Variants in MAP3K7CL observed in about 807,000 individuals in gnomAD.
The protein encoded by MAP3K7CL is MAP3K7 C-terminal-like protein.
A neutral mutation model predicts 18.6 loss-of-function variants in MAP3K7CL; 16 were observed. The observed-to-expected ratio is 0.86, with a 90% confidence interval of 0.58 to 1.31. The LOEUF is 1.31. Ranked by LOEUF, MAP3K7CL falls within the 50% of genes most tolerant of loss-of-function variation. MAP3K7CL has a pLI of 0.00. For synonymous variants in MAP3K7CL, 65 were observed against 66.8 expected, an observed-to-expected ratio of 0.97 and a Z score of 0.13; for missense variants, 163 against 174.4, an observed-to-expected ratio of 0.93 and a Z score of 0.37.
chr21:29,136,398 C>A (rs904066531), intron 2 of MAP3K7CL, among the ~76,000 whole-genome samples: 4 of 152,098 alleles, frequency 2.6e-5, no homozygotes, highest in Non-Finnish European at 5.9e-5. Context: ...AATGAGGGCA[C>A]TAATGTGGAC....
chr21:29,170,448 G>A (rs1271838149), intron 4 of MAP3K7CL, among the ~76,000 whole-genome samples: 2 of 152,090 alleles, frequency 1.3e-5, no homozygotes, highest in East Asian at 3.8e-4. Context: ...AGTTTTACAT[G>A]AGGTTAGATA....
chr21:29,124,913 T>C (rs558894651), intron 4 of MAP3K7CL, among the ~76,000 whole-genome samples: 1 of 152,322 alleles, frequency 6.6e-6, no homozygotes, highest in African/African-American at 2.4e-5. Flanking sequence ...ACAGAAAGTG[T>C]ATGGCCTGAA....
chr21:29,080,112 T>A (rs1181929113), intron 1 of MAP3K7CL, among the ~76,000 whole-genome samples: 1 of 152,214 alleles, frequency 6.6e-6, no homozygotes, highest in Non-Finnish European at 1.5e-5. Context: ...CTCTTGAGCC[T>A]TTATGAATCA....
At position 29,092,459 on chromosome 21, in the gene MAP3K7CL, C is replaced by T. The variant is rs958002246; in HGVS notation, c.248C>T (p.Ala83Val). Residue 83 changes from alanine (A) to valine (V), a missense_variant, in exon 4 of 7, where the codon GCA becomes GTA. By Grantham distance (64) the Ala-to-Val change is moderately conservative. Coordinates refer to the MAP3K7CL transcript ENST00000286791. Reference sequence around the variant, plus strand: ...TTTAGTATTTCAGTTTTATGCTCTGCAACAAGTTTGGCCATGTTGGAGGAC... The same window carrying T: ...TTTAGTATTTCAGTTTTATGCTCTGTAACAAGTTTGGCCATGTTGGAGGAC... 7 of 1,614,230 alleles carry T rather than the reference C, an allele frequency of 4.3e-6. No homozygotes were observed. In the East Asian group the frequency reaches 1.6e-4, roughly 36 times the overall value.
upstream of MAP3K7CL, among the ~76,000 whole-genome samples, chr21:29,083,844 G>A (rs987540718): frequency 2.0e-5 from 3 of 150,160 alleles, no homozygotes; most frequent in Non-Finnish European, 4.4e-5. Context: ...GTGTGTGTGT[G>A]TGTATATATG....
At chr21:29,095,640 T>C (rs191545234) in intron 4 of MAP3K7CL, among the ~76,000 whole-genome samples, 4 of 152,328 alleles carry the variant, frequency 2.6e-5, no homozygotes, top group Admixed American at 2.0e-4. Flanking sequence ...ACAAATGTTG[T>C]AGCACAAAAA....
At chr21:29,099,183 T>G (rs2086176015) in intron 4 of MAP3K7CL, among the ~76,000 whole-genome samples, 1 of 151,836 alleles carries the variant, frequency 6.6e-6, no homozygotes, top group African/African-American at 2.4e-5. Context: ...TTTGACTTTC[T>G]GGGCTCAAGC....
At chr21:29,156,910 A>G (rs935182380) in intron 3 of MAP3K7CL, among the ~76,000 whole-genome samples, 7 of 152,192 alleles carry the variant, frequency 4.6e-5, no homozygotes, top group Non-Finnish European at 7.3e-5. Flanking sequence ...GATTTGCTCA[A>G]CAATGTTTGG....
intron 4 of MAP3K7CL, among the ~76,000 whole-genome samples, chr21:29,169,879 G>A (rs1486811672): frequency 6.6e-6 from 1 of 152,216 alleles, no homozygotes; most frequent in Non-Finnish European, 1.5e-5. Flanking sequence ...GATGAGCTAT[G>A]GTGGACTCCA....
chr21:29,124,385 T>C (rs1319844268), intron 4 of MAP3K7CL, among the ~76,000 whole-genome samples: 1 of 146,294 alleles, frequency 6.8e-6, no homozygotes, highest in African/African-American at 2.5e-5. Flanking sequence ...AAAGAACACA[T>C]GTGTCACATT....
chr21:29,155,187 G>A (rs2087371200), intron 3 of MAP3K7CL, among the ~76,000 whole-genome samples: 1 of 152,028 alleles, frequency 6.6e-6, no homozygotes, highest in Non-Finnish European at 1.5e-5. Context: ...TTTAACAAAC[G>A]ATGCTTGTTA....
intron 3 of MAP3K7CL, chr21:29,091,820 G>A (rs8132105): frequency 0.28 from 193,305 of 689,186 alleles, 27,978 homozygotes; most frequent in African/African-American, 0.37. Flanking sequence ...ACTCCCATCT[G>A]CTGAGTGCTT....
At chr21:29,120,179 A>AT (rs2086568645) in intron 4 of MAP3K7CL, among the ~76,000 whole-genome samples, 1 of 137,248 alleles carries the variant, frequency 7.3e-6, no homozygotes, top group African/African-American at 2.6e-5. Context: ...AGTTTGGGGA[A>AT]TTTTCTTTTT....
intron 1 of MAP3K7CL, chr21:29,085,926 G>A (rs781451447): frequency 8.7e-6 from 14 of 1,613,892 alleles, no homozygotes; most frequent in South Asian, 3.3e-5. Context: ...AGGTATGTCC[G>A]CCTTCCCCCA....
chr21:29,149,072 A>T (rs1293457026), intron 2 of MAP3K7CL, 117 bp from the exon 3 acceptor site: 2 of 863,116 alleles, frequency 2.3e-6, no homozygotes, highest in Non-Finnish European at 3.9e-6. Flanking sequence ...TCTGTCCCCA[A>T]CTGAAGTGAT....
chr21:29,157,199 TCA>T (rs2087428001), intron 3 of MAP3K7CL, among the ~76,000 whole-genome samples: 1 of 152,332 alleles, frequency 6.6e-6, no homozygotes, highest in African/African-American at 2.4e-5. Flanking sequence ...TTAAGTATAT[TCA>T]CATTGTTGTG....
intron 2 of MAP3K7CL, among the ~76,000 whole-genome samples, chr21:29,139,958 T>C (rs1029049204): frequency 4.3e-5 from 6 of 139,192 alleles, no homozygotes; most frequent in South Asian, 2.3e-4. Flanking sequence ...AGTCAAGGGA[T>C]AAAGTTCCCA....
At chr21:29,128,360 T>G (rs1452780192), upstream of MAP3K7CL, among the ~76,000 whole-genome samples, 3 of 151,948 alleles carry the variant, frequency 2.0e-5, no homozygotes, top group Non-Finnish European at 4.4e-5. Flanking sequence ...TGGAGTGCAG[T>G]GGCACGATTT....
intron 1 of MAP3K7CL, among the ~76,000 whole-genome samples, chr21:29,132,969 G>A (rs2086807362): frequency 1.3e-5 from 2 of 152,082 alleles, no homozygotes; most frequent in South Asian, 4.2e-4. Context: ...CTCCTCAGTT[G>A]AAAGTAAAAT....
Sources: allele counts gnomAD v4.1 joint callset (sites outside exome capture counted in the v4.1 genomes callset), GRCh38; gene constraint gnomAD v4.1.1; transcripts MANE v1.5; gene names NCBI Gene and HGNC (gene_info 2026-07-23, HGNC 2026-07-21).